Variants in GLRA3 observed in about 807,000 individuals in gnomAD.
The protein encoded by GLRA3 is glycine receptor alpha 3.
In GLRA3, 44 loss-of-function variants were observed where a neutral mutation model predicts 60.4. The ratio of observed to expected loss-of-function variants is 0.73; its 90% CI spans 0.57 to 0.94. The LOEUF (loss-of-function observed/expected upper bound fraction) is 0.94, where lower values mean the gene tolerates loss of function less well. GLRA3 is among the 40% of genes least tolerant of loss of function. GLRA3 has a pLI of 0.00. For synonymous variants in GLRA3, 223 were observed against 192.9 expected, an observed-to-expected ratio of 1.16 and a Z score of -1.29; for missense variants, 508 against 564.6, an observed-to-expected ratio of 0.90 and a Z score of 1.02.
At chr4:174,748,161 A>G (rs1030889666) in intron 3 of GLRA3, among the ~76,000 whole-genome samples, 6 of 152,188 alleles carry the variant, frequency 3.9e-5, no homozygotes, top group African/African-American at 1.4e-4. Context: ...ATAATAGTGC[A>G]AATAGATTTG....
chr4:174,771,706 A>G (rs1018038478), intron 2 of GLRA3, among the ~76,000 whole-genome samples: 1 of 152,124 alleles, frequency 6.6e-6, no homozygotes, highest in Admixed American at 6.6e-5. Flanking sequence ...GGAAATAAAT[A>G]AAAGAGTGGG....
chr4:174,682,954 A>G lies in GLRA3; in HGVS notation c.575-15T>C, dbSNP rs1169504494. ...TGTGTACCCAACTAGGCAAAACATA[A>G]TAAAAATATGAATAGTCTAAAAAGG... On this transcript the variant is annotated splice_polypyrimidine_tract_variant and intron_variant, in intron 5 of 9. Transcript: ENST00000274093. 2 of 1,602,446 alleles carry G rather than the reference A, an allele frequency of 1.2e-6. No individual in the cohort carries two copies. Among genetic ancestry groups the G allele is most frequent in the South Asian group, 2.2e-5 (2 of 90,442 alleles).
intron 7 of GLRA3, among the ~76,000 whole-genome samples, chr4:174,676,819 T>C (rs941108200): frequency 1.3e-5 from 2 of 152,152 alleles, no homozygotes; most frequent in Non-Finnish European, 2.9e-5. Context: ...AATAATTCCA[T>C]AGTGTATAAG....
Position 174,639,308 on chromosome 4 carries a change from C to G in GLRA3, c.*4478G>C, listed in dbSNP as rs111601540. The G allele has an allele frequency of 1.3e-5, 2 of 150,996 alleles. No individual in the cohort carries two copies. The highest frequency in any genetic ancestry group is 2.9e-5 in the Non-Finnish European group (2 of 67,814). 9.4% of individuals were successfully genotyped at this position (150,996 alleles called of 1,614,324 possible). On this transcript the variant is annotated 3_prime_UTR_variant, in exon 10 of 10. Transcript: ENST00000274093. The stretch of plus-strand genomic sequence containing the variant: ...ATATCACAGGATTATGAACCTTTGT[C>G]TAGAAAAATTGACTGTCTTTGTATT...
At chr4:174,818,654 T>A (rs1429372988) in intron 1 of GLRA3, among the ~76,000 whole-genome samples, 1 of 152,172 alleles carries the variant, frequency 6.6e-6, no homozygotes, top group African/African-American at 2.4e-5. Context: ...TGTTTTAAGG[T>A]CTTTACAAAG....
intron 7 of GLRA3, among the ~76,000 whole-genome samples, chr4:174,666,738 G>A (rs1167049925): frequency 5.8e-5 from 5 of 85,940 alleles, no homozygotes; most frequent in Admixed American, 1.2e-4. Flanking sequence ...TCTCAAATAA[G>A]AATATATATA....
intron 3 of GLRA3, among the ~76,000 whole-genome samples, chr4:174,731,079 C>A (rs1244302314): frequency 1.3e-5 from 2 of 152,058 alleles, no homozygotes; most frequent in Admixed American, 1.3e-4. Context: ...TGGTTCAGGG[C>A]CAGGGTTCAA....
intron 3 of GLRA3, among the ~76,000 whole-genome samples, chr4:174,766,375 G>C (rs908754172): frequency 6.6e-6 from 1 of 151,908 alleles, no homozygotes; most frequent in African/African-American, 2.4e-5. Flanking sequence ...AAAAGCTAAA[G>C]GGCAAAGCAG....
chr4:174,743,079 T>G (rs1374989604), intron 3 of GLRA3, among the ~76,000 whole-genome samples: 1 of 152,244 alleles, frequency 6.6e-6, no homozygotes, highest in Non-Finnish European at 1.5e-5. Flanking sequence ...CTTTTAAATT[T>G]AGTCTTACAG....
Position 174,637,212 on chromosome 4 carries a change from G to T in GLRA3, c.*6574C>A, listed in dbSNP as rs1732516324. On this transcript the variant is annotated 3_prime_UTR_variant, in exon 10 of 10. Coordinates refer to ENST00000274093, the MANE Select transcript of GLRA3 (RefSeq NM_006529.4). ...TTTACACCATAAAAACCATAAAATA[G>T]CAATACTTCTTTTGGTAGTCCTTTA... is the stretch of plus-strand genomic sequence containing the variant. 1 of 152,016 alleles carries T rather than the reference G, an allele frequency of 6.6e-6. No homozygotes were observed. Among genetic ancestry groups the T allele is most frequent in the Non-Finnish European group, 1.5e-5 (1 of 67,990 alleles). 9.4% of individuals were successfully genotyped at this position (152,016 alleles called of 1,614,324 possible). A position where few individuals can be genotyped will look rare whatever the true frequency, so the allele number is the denominator to read the frequency against.
chr4:174,772,635 C>T (rs535482758), intron 2 of GLRA3, among the ~76,000 whole-genome samples: 4 of 151,866 alleles, frequency 2.6e-5, no homozygotes, highest in Non-Finnish European at 5.9e-5. Flanking sequence ...AAATAAAAAA[C>T]AGTTTGGAAA....
At chr4:174,746,801 T>C (rs142189609) in intron 3 of GLRA3, among the ~76,000 whole-genome samples, 4 of 152,314 alleles carry the variant, frequency 2.6e-5, no homozygotes, top group African/African-American at 9.6e-5. Context: ...ACACATTCTA[T>C]GCATGAAACA....
At chr4:174,703,861 T>C (rs977257613) in intron 5 of GLRA3, among the ~76,000 whole-genome samples, 8 of 152,186 alleles carry the variant, frequency 5.3e-5, no homozygotes, top group Admixed American at 2.6e-4. Context: ...ATTTAAGGGA[T>C]TGTTGAGATT....
chr4:174,815,533 G>C (rs1009508987), intron 1 of GLRA3, among the ~76,000 whole-genome samples: 11 of 152,286 alleles, frequency 7.2e-5, no homozygotes, highest in Non-Finnish European at 1.5e-4. Context: ...TCATCATCCA[G>C]GCATTTCCAT....
chr4:174,665,237 CTTTTTTT>C (rs34499494), intron 7 of GLRA3, among the ~76,000 whole-genome samples: 1 of 127,484 alleles, frequency 7.8e-6, no homozygotes. Context: ...TTTGTATTTA[CTTTTTTT>C]TTTTTTTTTT....
In GLRA3 at chr4:174,637,823, A is replaced by G. The variant is rs1732533401; in HGVS notation, c.*5963T>C. 6.6e-6 allele frequency: 1 copy of G among 152,174 alleles called. No homozygotes were observed. The highest frequency in any genetic ancestry group is 6.5e-5 in the Admixed American group (1 of 15,276). 9.4% of individuals were successfully genotyped at this position (152,174 alleles called of 1,614,324 possible). ...AAATTTATTGCTGTTATAGGAAGAC[A>G]TTAACAGTTACTGAAAATAATATAC... On this transcript the variant is annotated 3_prime_UTR_variant, in exon 10 of 10. Coordinates refer to ENST00000274093, the MANE Select transcript of GLRA3 (RefSeq NM_006529.4).
intron 4 of GLRA3, among the ~76,000 whole-genome samples, chr4:174,726,752 T>C (rs532034968): frequency 2.6e-5 from 4 of 152,116 alleles, no homozygotes; most frequent in Non-Finnish European, 4.4e-5. Flanking sequence ...CCAGGTTTTT[T>C]AGTTGTACTT....
chr4:174,743,920 A>G (rs1363439424), intron 3 of GLRA3, among the ~76,000 whole-genome samples: 1 of 147,814 alleles, frequency 6.8e-6, no homozygotes, highest in African/African-American at 2.6e-5. Flanking sequence ...CTCTTGATCC[A>G]TACACCACTG....
rs1741099397 is a variant in GLRA3, at chr4:174,829,078, T to C, written c.-267A>G. ...AGTGAGATGAAATGTCTGAAGTGCCTAGGTGCTGGGCAACAGTTCTCTAAA... is the reference window on the plus strand; with the variant it reads ...AGTGAGATGAAATGTCTGAAGTGCCCAGGTGCTGGGCAACAGTTCTCTAAA... On this transcript the variant is annotated 5_prime_UTR_variant, in exon 1 of 10. Transcript: ENST00000274093. The C allele has an allele frequency of 2.6e-6, 1 of 379,076 alleles. No individual in the cohort carries two copies. The highest frequency in any genetic ancestry group is 2.1e-5 in the African/African-American group (1 of 48,408). The allele number at this position is 379,076 out of a possible 1,614,324, so 23.5% of individuals were successfully genotyped here. A position where few individuals can be genotyped will look rare whatever the true frequency, so the allele number is the denominator to read the frequency against.
Sources: gnomAD v4.1 joint callset for allele counts (sites outside exome capture counted in the v4.1 genomes callset) on GRCh38, gnomAD v4.1.1 for gene constraint, MANE v1.5 for transcripts, NCBI Gene and HGNC (gene_info 2026-07-23, HGNC 2026-07-21) for gene names.